Variants in ENPP3 observed in about 807,000 individuals in gnomAD.
ENPP3 encodes ectonucleotide pyrophosphatase/phosphodiesterase family member 3.
ENPP3 carries 104 observed loss-of-function variants against 117.8 expected under a neutral mutation model. That is an observed-to-expected ratio of 0.88 (90% CI 0.75 to 1.04). ENPP3 has a LOEUF of 1.04. Ranked by LOEUF, ENPP3 falls within the 50% of genes least tolerant of loss-of-function variation. ENPP3 has a pLI of 0.00. For missense variants in ENPP3, 1,026 were observed against 1,051.9 expected, an observed-to-expected ratio of 0.98 and a Z score of 0.34; for synonymous variants, 380 against 349.9, an observed-to-expected ratio of 1.09 and a Z score of -0.96.
At chr6:131,734,722 C>T (rs1469615225) in intron 21 of ENPP3, among the ~76,000 whole-genome samples, 1 of 151,456 alleles carries the variant, frequency 6.6e-6, no homozygotes, top group African/African-American at 2.4e-5. Context: ...CATGGTGAAA[C>T]CCTGTCCCGT....
At position 131,683,067 on chromosome 6, in the gene ENPP3, T is replaced by C. The variant is rs1194893830; in HGVS notation, c.1025T>C (p.Leu342Ser). 13 of 1,604,880 alleles carry C rather than the reference T, an allele frequency of 8.1e-6. No homozygotes were observed. The highest frequency in any genetic ancestry group is 1.1e-5 in the Non-Finnish European group (13 of 1,171,866). Residue 342 changes from leucine to serine, a missense_variant, in exon 12 of 25, where the codon TTA becomes TCA. Coordinates refer to ENST00000357639, the MANE Select transcript of ENPP3 (RefSeq NM_005021.5). ...ATTATTTTTCAGGTAATTAAAGCCT[T>C]ACAGGTAGTAGATCATGCTTTTGGG... Reference protein sequence around the residue: ...GPVSARVIKALQVVDHAFGML... With the variant: ...GPVSARVIKASQVVDHAFGML...
chr6:131,689,934 A>G (rs1473425492), intron 14 of ENPP3, among the ~76,000 whole-genome samples: 2 of 152,206 alleles, frequency 1.3e-5, no homozygotes, highest in East Asian at 3.9e-4. Flanking sequence ...AAGTAACTAC[A>G]GTCGTGGTAA....
chr6:131,652,453 G>A (rs574770021), intron 3 of ENPP3, 89 bp from the exon 4 acceptor site: 1 of 1,290,520 alleles, frequency 7.7e-7, no homozygotes, highest in Non-Finnish European at 1.1e-6. Flanking sequence ...ATTTGATTGT[G>A]TTATTATAAT....
At chr6:131,735,228 A>G (rs535062349) in intron 21 of ENPP3, among the ~76,000 whole-genome samples, 1 of 152,238 alleles carries the variant, frequency 6.6e-6, no homozygotes, top group South Asian at 2.1e-4. Flanking sequence ...ACTCTCCAGT[A>G]TAAATTCCAA....
intron 15 of ENPP3, among the ~76,000 whole-genome samples, chr6:131,713,687 A>C (rs1236392535): frequency 2.6e-5 from 4 of 152,144 alleles, no homozygotes; most frequent in Admixed American, 2.0e-4. Flanking sequence ...ACTACATTCT[A>C]CTATATAAAG....
At chr6:131,667,549 T>C (rs1778643730) in intron 6 of ENPP3, among the ~76,000 whole-genome samples, 1 of 152,214 alleles carries the variant, frequency 6.6e-6, no homozygotes, top group South Asian at 2.1e-4. Flanking sequence ...ATTTCTCAGA[T>C]AGCACCTGGA....
chr6:131,694,122 T>C (rs1341303565), intron 15 of ENPP3, among the ~76,000 whole-genome samples: 1 of 152,240 alleles, frequency 6.6e-6, no homozygotes. Context: ...ATTTGCAAAA[T>C]TTAAATGTGC....
At chr6:131,696,787 T>G (rs946956432) in intron 15 of ENPP3, among the ~76,000 whole-genome samples, 3 of 137,828 alleles carry the variant, frequency 2.2e-5, no homozygotes, top group Non-Finnish European at 4.5e-5. Flanking sequence ...TTTTTTTTTT[T>G]GAAATGGAGT....
chr6:131,700,662 A>G lies in ENPP3; in HGVS notation c.1412+7038A>G, dbSNP rs1235205748. 33 of 1,558,974 alleles carry G rather than the reference A, an allele frequency of 2.1e-5. 2 individuals carry two copies. The highest frequency in any genetic ancestry group is 2.5e-5 in the Non-Finnish European group (29 of 1,166,092). On this transcript the variant is annotated intron_variant, in intron 15 of 24. Transcript: ENST00000357639. ...AATGGCTGTGCCATAAACGAGTCCAATCACACAGAGGTGGGAGAAGCAGGT... is the reference window on the plus strand; with the variant it reads ...AATGGCTGTGCCATAAACGAGTCCAGTCACACAGAGGTGGGAGAAGCAGGT...
intron 6 of ENPP3, among the ~76,000 whole-genome samples, chr6:131,665,493 T>C (rs1778598433): frequency 6.6e-6 from 1 of 152,154 alleles, no homozygotes; most frequent in Non-Finnish European, 1.5e-5. Flanking sequence ...TCTATGAATT[T>C]ATCCATTTCT....
intron 19 of ENPP3, 73 bp downstream of exon 19, chr6:131,724,164 T>A (rs1218749806): frequency 1.2e-5 from 12 of 980,520 alleles, no homozygotes; most frequent in Non-Finnish European, 1.6e-5. Flanking sequence ...CTTTTAGGAC[T>A]CTCCAAAATA....
Position 131,738,014 on chromosome 6 carries a change from T to C in ENPP3, c.2168-17T>C, listed in dbSNP as rs1276766701. ...ACTGAAGTGGACATTTTAAACACTTTATGATTTTATTTTTAGAAATGTGGG... is the reference window on the plus strand; with the variant it reads ...ACTGAAGTGGACATTTTAAACACTTCATGATTTTATTTTTAGAAATGTGGG... On this transcript the variant is annotated splice_polypyrimidine_tract_variant and intron_variant, in intron 22 of 24. Coordinates refer to ENST00000357639, the MANE Select transcript of ENPP3 (RefSeq NM_005021.5). The C allele has an allele frequency of 6.4e-7, 1 of 1,566,824 alleles. No individual in the cohort carries two copies. The highest frequency in any genetic ancestry group is 8.7e-7 in the Non-Finnish European group (1 of 1,149,736).
intron 14 of ENPP3, among the ~76,000 whole-genome samples, chr6:131,687,022 G>T (rs879434876): frequency 1.2e-4 from 18 of 152,272 alleles, no homozygotes; most frequent in Admixed American, 1.2e-3. Context: ...TGGTGGAGGG[G>T]TATATCCCCA....
At chr6:131,723,058 C>T (rs566929099) in intron 18 of ENPP3, among the ~76,000 whole-genome samples, 13 of 152,266 alleles carry the variant, frequency 8.5e-5, no homozygotes, top group African/African-American at 2.2e-4. Flanking sequence ...ATCAGAGCGC[C>T]TGGATGGGGT....
At chr6:131,710,074 A>T (rs767453425) in intron 15 of ENPP3, 6 of 1,613,618 alleles carry the variant, frequency 3.7e-6, no homozygotes, top group Non-Finnish European at 5.1e-6. Context: ...CAGTTTCTTC[A>T]AAGCTCCTTT....
intron 2 of ENPP3, among the ~76,000 whole-genome samples, chr6:131,646,101 T>C (rs1778147277): frequency 6.6e-6 from 1 of 152,182 alleles, no homozygotes; most frequent in Non-Finnish European, 1.5e-5. Flanking sequence ...AGACTTGGAA[T>C]CTTCTTGTGG....
chr6:131,745,780 G>A (rs532419384), intron 24 of ENPP3, among the ~76,000 whole-genome samples: 43 of 152,232 alleles, frequency 2.8e-4, no homozygotes, highest in African/African-American at 9.1e-4. Context: ...AAATTGGTAC[G>A]AAGACTTTGA....
chr6:131,676,360 C>T (rs1340685402), intron 9 of ENPP3, among the ~76,000 whole-genome samples: 1 of 151,284 alleles, frequency 6.6e-6, no homozygotes, highest in African/African-American at 2.4e-5. Flanking sequence ...AGAATGTAAT[C>T]TTTGGTTTCC....
At chr6:131,715,604 G>C in intron 15 of ENPP3, among the ~76,000 whole-genome samples, 1 of 150,078 alleles carries the variant, frequency 6.7e-6, no homozygotes, top group Non-Finnish European at 1.5e-5. Context: ...TTCCTGTGCA[G>C]GGATATTGGT....
Sources: allele counts gnomAD v4.1 joint callset (sites outside exome capture counted in the v4.1 genomes callset), GRCh38; gene constraint gnomAD v4.1.1; transcripts MANE v1.5; gene names NCBI Gene and HGNC (gene_info 2026-07-23, HGNC 2026-07-21).